The following CXADR variants were observed in gnomAD, a reference collection of about 807,000 sequenced individuals.
CXADR encodes the protein coxsackievirus and adenovirus receptor.
In CXADR, 20 loss-of-function variants were observed where a neutral mutation model predicts 40.3. The ratio of observed to expected loss-of-function variants is 0.50; its 90% CI spans 0.35 to 0.72. The LOEUF (loss-of-function observed/expected upper bound fraction) is 0.72, where lower values mean the gene tolerates loss of function less well. Ranked by LOEUF, CXADR falls within the 30% of genes least tolerant of loss-of-function variation. The pLI, the probability that CXADR is intolerant of heterozygous loss-of-function variation, is 0.01. For synonymous variants in CXADR, 150 were observed against 161.3 expected (o/e 0.93, Z 0.53); for missense variants, 332 against 449.1 (o/e 0.74, Z 2.36).
chr21:17,520,076 A>G (rs531161513), intron 1 of CXADR, among the ~76,000 whole-genome samples: 107 of 152,134 alleles, frequency 7.0e-4, no homozygotes, highest in Non-Finnish European at 1.2e-3. Context: ...CTGGGCCACT[A>G]TTTCCAACTG....
downstream of CXADR, among the ~76,000 whole-genome samples, chr21:17,597,510 C>A (rs2061519750): frequency 6.6e-6 from 1 of 151,202 alleles, no homozygotes. Context: ...GAAAAAAAAA[C>A]CTGGTAATGA....
In CXADR at chr21:17,568,163, C is replaced by G; in HGVS notation, c.*2471C>G. The G allele has an allele frequency of 3.1e-6, 3 of 955,372 alleles. No homozygotes were observed. The highest frequency in any genetic ancestry group is 3.7e-6 in the Non-Finnish European group (3 of 818,678). The allele number at this position is 955,372 out of a possible 1,614,324, so 59.2% of individuals were successfully genotyped here. On this transcript the variant is annotated 3_prime_UTR_variant, in exon 7 of 7. Coordinates refer to ENST00000284878, the MANE Select transcript of CXADR (RefSeq NM_001338.5). Reference sequence around the variant, plus strand: ...TTTTTTTTTAAGACGGAGTCTCGGTCTGTCACCCAGGCTGGAGTGCAGTGG... The same window carrying G: ...TTTTTTTTTAAGACGGAGTCTCGGTGTGTCACCCAGGCTGGAGTGCAGTGG...
chr21:17,515,928 TTCC>T (rs2060456674), intron 1 of CXADR, among the ~76,000 whole-genome samples: 1 of 152,234 alleles, frequency 6.6e-6, no homozygotes, highest in African/African-American at 2.4e-5. Flanking sequence ...GTGATAGATA[TTCC>T]TCCAGCTCTG....
chr21:17,598,189 G>C (rs988734228), downstream of CXADR, among the ~76,000 whole-genome samples: 2 of 152,052 alleles, frequency 1.3e-5, no homozygotes, highest in African/African-American at 4.8e-5. Context: ...GTTTCAGCTT[G>C]AGTAAAATAT....
intron 1 of CXADR, among the ~76,000 whole-genome samples, chr21:17,535,240 ATT>A (rs2060739915): frequency 6.6e-6 from 1 of 152,094 alleles, no homozygotes; most frequent in Non-Finnish European, 1.5e-5. Flanking sequence ...TGATTCTCCT[ATT>A]CAGCCTTCCT....
chr21:17,593,103 G>T, intron 7 of CXADR: 1 of 1,297,734 alleles, frequency 7.7e-7, no homozygotes, highest in Non-Finnish European at 9.9e-7. Context: ...TTTACCTTTG[G>T]AGAAAAATCA....
At position 17,528,265 on chromosome 21, in the gene CXADR, G is replaced by A. The variant is rs72492051; in HGVS notation, c.43+15093G>A. ...ATTTTTTTGTATTTTTAGTAAAGACGGGGTTTCACCATGTTGTCCAGGATG... is the reference window on the plus strand; with the variant it reads ...ATTTTTTTGTATTTTTAGTAAAGACAGGGTTTCACCATGTTGTCCAGGATG... On this transcript the variant is annotated intron_variant, in intron 1 of 6. Coordinates refer to ENST00000284878, the MANE Select transcript of CXADR (RefSeq NM_001338.5). 6.3e-3 allele frequency among the ~76,000 whole-genome samples: 950 copies of A among 151,606 alleles called. 40 individuals carry two copies. In the East Asian group the frequency reaches 0.11, roughly 18 times the overall value.
the CXADR span, among the ~76,000 whole-genome samples, chr21:17,620,662 G>C: frequency 6.6e-6 from 1 of 152,182 alleles, no homozygotes; most frequent in Admixed American, 6.5e-5. Flanking sequence ...CCAGTTAAGT[G>C]AAGGGCAATA....
chr21:17,540,251 A>G (rs2060810216), intron 1 of CXADR, among the ~76,000 whole-genome samples: 1 of 152,136 alleles, frequency 6.6e-6, no homozygotes, highest in East Asian at 1.9e-4. Context: ...ATACAGTCAC[A>G]TAGGAGGTCA....
Position 17,566,887 on chromosome 21 carries a change from A to C in CXADR, c.*1195A>C. ...ATCAAACATGTCTCTGTGTAGTTCC[A>C]GCAAATCAAGCTGAGCTTTGAAAAA... On this transcript the variant is annotated 3_prime_UTR_variant, in exon 7 of 7. Coordinates refer to ENST00000284878, the MANE Select transcript of CXADR (RefSeq NM_001338.5). The C allele has an allele frequency of 2.0e-6, 2 of 984,650 alleles. No individual in the cohort carries two copies. The highest frequency in any genetic ancestry group is 9.4e-5 in the South Asian group (2 of 21,262). The allele number at this position is 984,650 out of a possible 1,614,324, so 61.0% of individuals were successfully genotyped here.
downstream of CXADR, among the ~76,000 whole-genome samples, chr21:17,595,490 C>T (rs1329430781): frequency 6.6e-6 from 1 of 152,042 alleles, no homozygotes; most frequent in East Asian, 1.9e-4. Flanking sequence ...ATTCTATCCA[C>T]ATCTATACAC....
At chr21:17,535,196 T>A (rs2060739226) in intron 1 of CXADR, among the ~76,000 whole-genome samples, 1 of 152,170 alleles carries the variant, frequency 6.6e-6, no homozygotes, top group South Asian at 2.1e-4. Context: ...GGCGCAGTCA[T>A]GGCTCGTTGC....
chr21:17,611,299 C>T, the CXADR span, among the ~76,000 whole-genome samples: 1 of 152,194 alleles, frequency 6.6e-6, no homozygotes, highest in Non-Finnish European at 1.5e-5. Context: ...AAGAAATGTA[C>T]TGAATCTTTT....
At chr21:17,612,495 T>A in the CXADR span, 1 of 151,864 alleles carries the variant, frequency 6.6e-6, no homozygotes, top group African/African-American at 2.4e-5. Context: ...GCGGAAAGCC[T>A]CGCGGGCCGC....
At chr21:17,560,359 T>A (rs2061099419) in intron 4 of CXADR, among the ~76,000 whole-genome samples, 1 of 152,190 alleles carries the variant, frequency 6.6e-6, no homozygotes. Context: ...TTTGTATGTT[T>A]TCCTGCTGCA....
chr21:17,619,182 A>G, the CXADR span, among the ~76,000 whole-genome samples: 1 of 152,148 alleles, frequency 6.6e-6, no homozygotes, highest in Non-Finnish European at 1.5e-5. Context: ...GTAAATGACC[A>G]CTGACTTCAA....
chr21:17,624,050 A>G, the CXADR span, among the ~76,000 whole-genome samples: 1 of 152,110 alleles, frequency 6.6e-6, no homozygotes, highest in Non-Finnish European at 1.5e-5. Context: ...TGATCGTGTC[A>G]TGCCTCTGCC....
rs11418205 is a variant in CXADR at position 17,567,862 on chromosome 21, CT to C, written c.*2181del. On this transcript the variant is annotated 3_prime_UTR_variant, in exon 7 of 7. Transcript: ENST00000284878. The stretch of plus-strand genomic sequence containing the variant: ...GTGGACACGTATAAGACTTTCCTTC[CT>C]TTTTTTTTTTAATAACATATGAGGA... The C allele has an allele frequency of 7.0e-3, 5,660 of 807,888 alleles. 132 individuals are homozygous for C. The East Asian group carries it at 0.17, about 24-fold the overall frequency. The allele number at this position is 807,888 out of a possible 1,614,324, so 50.0% of individuals were successfully genotyped here.
downstream of CXADR, chr21:17,594,204 C>T (rs770789513): frequency 2.0e-5 from 33 of 1,613,136 alleles, no homozygotes; most frequent in Non-Finnish European, 2.8e-5. Context: ...TTTTTCTTCC[C>T]TGATTTGGAT....
Sources: allele counts gnomAD v4.1 joint callset (sites outside exome capture counted in the v4.1 genomes callset), GRCh38; gene constraint gnomAD v4.1.1; transcripts MANE v1.5; gene names NCBI Gene and HGNC (gene_info 2026-07-23, HGNC 2026-07-21).